The following DPF3 variants were observed in gnomAD, a reference collection of about 807,000 sequenced individuals.
DPF3 encodes the protein zinc finger protein DPF3.
DPF3 carries 18 observed loss-of-function variants against 56.8 expected under a neutral mutation model. That is an observed-to-expected ratio of 0.32 (90% CI 0.22 to 0.47). The LOEUF is 0.47. Ranked by LOEUF, DPF3 falls within the 20% of genes least tolerant of loss-of-function variation. The pLI is 1.00. For synonymous variants in DPF3, 188 were observed against 180.2 expected, an observed-to-expected ratio of 1.04 and a Z score of -0.35; for missense variants, 403 against 488.8, an observed-to-expected ratio of 0.82 and a Z score of 1.65.
intron 6 of DPF3, among the ~76,000 whole-genome samples, chr14:72,696,529 A>G (rs1033755691): frequency 2.0e-5 from 3 of 152,230 alleles, no homozygotes; most frequent in African/African-American, 4.8e-5. Context: ...CCTTCAAAAC[A>G]TATTTGTTGA....
At chr14:72,775,253 T>C (rs1045586421) in intron 1 of DPF3, among the ~76,000 whole-genome samples, 1 of 151,754 alleles carries the variant, frequency 6.6e-6, no homozygotes, top group Non-Finnish European at 1.5e-5. Context: ...AAATGAAAAA[T>C]TGTATAGCAA....
intron 6 of DPF3, among the ~76,000 whole-genome samples, chr14:72,697,934 C>T (rs543477299): frequency 2.2e-4 from 33 of 152,348 alleles, no homozygotes; most frequent in African/African-American, 6.7e-4. Context: ...TCTGCCTCCA[C>T]ACAGCCCTTC....
intron 1 of DPF3, among the ~76,000 whole-genome samples, chr14:72,827,488 CTTTTTTTTTTTTTT>C (rs1182260007): frequency 3.8e-5 from 3 of 78,282 alleles, no homozygotes; most frequent in Admixed American, 3.3e-4. Flanking sequence ...TCCCTTTACT[CTTTTTTTTTTTTTT>C]TTTTTTTTTT....
intron 1 of DPF3, among the ~76,000 whole-genome samples, chr14:72,800,486 TTGGA>T (rs1319074221): frequency 2.5e-5 from 3 of 119,822 alleles, no homozygotes; most frequent in Non-Finnish European, 3.6e-5. Flanking sequence ...GCATGGATGC[TTGGA>T]TGGATGGATG....
chr14:72,843,074 A>G (rs990744499), intron 1 of DPF3, among the ~76,000 whole-genome samples: 6 of 152,168 alleles, frequency 3.9e-5, no homozygotes, highest in Admixed American at 2.6e-4. Context: ...AATCCAGCGG[A>G]CAAGGCTCTT....
At chr14:72,799,928 G>A (rs930618457) in intron 1 of DPF3, among the ~76,000 whole-genome samples, 2 of 152,180 alleles carry the variant, frequency 1.3e-5, no homozygotes, top group Admixed American at 6.5e-5. Context: ...GGACCTTGCT[G>A]AGCCCCTAGA....
chr14:72,705,795 T>C (rs2153574656), intron 6 of DPF3, among the ~76,000 whole-genome samples: 1 of 152,334 alleles, frequency 6.6e-6, no homozygotes, highest in Middle Eastern at 3.4e-3. Context: ...AGGCTCACAG[T>C]CCAGCCTGAG....
At chr14:72,663,094 G>A (rs894500960) in intron 8 of DPF3, among the ~76,000 whole-genome samples, 1 of 145,454 alleles carries the variant, frequency 6.9e-6, no homozygotes, top group African/African-American at 2.6e-5. Context: ...AGTTGCTACT[G>A]GGCCAGAGGC....
At chr14:72,792,942 AAC>A (rs1208049794) in intron 1 of DPF3, among the ~76,000 whole-genome samples, 2 of 152,092 alleles carry the variant, frequency 1.3e-5, no homozygotes, top group African/African-American at 4.8e-5. Flanking sequence ...AAAAAAAAAA[AAC>A]ACTGCTGAAA....
intron 1 of DPF3, among the ~76,000 whole-genome samples, chr14:72,890,501 G>GATAAAATAATAATAATAATA (rs1886707875): frequency 6.8e-6 from 1 of 146,492 alleles, no homozygotes; most frequent in Non-Finnish European, 1.5e-5. Context: ...AAAAAATAAT[G>GATAAAATAATAATAATAATA]ATAATAATAA....
rs1884221198 is a variant in DPF3, at chr14:72,618,448, A to AC, written c.*848_*849insG. On this transcript the variant is annotated 3_prime_UTR_variant, in exon 11 of 11. Coordinates refer to ENST00000556509, the MANE Select transcript of DPF3 (RefSeq NM_001280542.3). ...GGTCTCCAGAACCAGGTGGGCTGAG[A>AC]GGCAGAGGCTTGACCGTCTTCCTCT... 6.6e-6 allele frequency among the ~76,000 whole-genome samples: 1 copy of AC among 152,180 alleles called. No homozygotes were observed. Among genetic ancestry groups the AC allele is most frequent in the African/African-American group, 2.4e-5 (1 of 41,438 alleles).
intron 1 of DPF3, among the ~76,000 whole-genome samples, chr14:72,833,116 G>C (rs551999655): frequency 6.6e-6 from 1 of 152,350 alleles, no homozygotes; most frequent in Admixed American, 6.5e-5. Context: ...ACAGATGGAT[G>C]AAAGTAACTC....
chr14:72,724,137 A>G (rs1889294355), intron 4 of DPF3: 1 of 162,900 alleles, frequency 6.1e-6, no homozygotes, highest in Admixed American at 6.5e-5. Context: ...GCCATTCTGG[A>G]ACCCTGCCCT....
At chr14:72,834,014 T>G (rs1393111862) in intron 1 of DPF3, among the ~76,000 whole-genome samples, 1 of 151,734 alleles carries the variant, frequency 6.6e-6, no homozygotes, top group Non-Finnish European at 1.5e-5. Flanking sequence ...AAACTCCTTC[T>G]CTACTAAAAA....
At chr14:72,789,615 G>A (rs1355875382) in intron 1 of DPF3, among the ~76,000 whole-genome samples, 2 of 152,070 alleles carry the variant, frequency 1.3e-5, no homozygotes, top group African/African-American at 2.4e-5. Flanking sequence ...CTGCAGCCTC[G>A]ATCTTCAGAG....
chr14:72,775,676 C>G (rs1010917479), intron 1 of DPF3, among the ~76,000 whole-genome samples: 2 of 152,138 alleles, frequency 1.3e-5, no homozygotes, highest in Non-Finnish European at 2.9e-5. Flanking sequence ...TATTAAAGAT[C>G]GAAGCTGCAA....
At chr14:72,857,102 C>T (rs770217319) in intron 1 of DPF3, among the ~76,000 whole-genome samples, 4 of 152,340 alleles carry the variant, frequency 2.6e-5, no homozygotes, top group East Asian at 1.9e-4. Flanking sequence ...GAAGGCCAGA[C>T]GTCTTGCACC....
chr14:72,866,713 G>A (rs550686997), intron 1 of DPF3, among the ~76,000 whole-genome samples: 6 of 150,660 alleles, frequency 4.0e-5, no homozygotes, highest in African/African-American at 1.5e-4. Flanking sequence ...AAAATTAGCT[G>A]GGCATGGTGG....
At chr14:72,753,207 G>A in intron 3 of DPF3, 57 bp downstream of exon 3, 1 of 1,545,120 alleles carries the variant, frequency 6.5e-7, no homozygotes, top group African/African-American at 1.4e-5. Context: ...CCTGGGCCCA[G>A]CCCAGTCCTC....
Sources: gnomAD v4.1 joint callset for allele counts (sites outside exome capture counted in the v4.1 genomes callset) on GRCh38, gnomAD v4.1.1 for gene constraint, MANE v1.5 for transcripts, NCBI Gene and HGNC (gene_info 2026-07-23, HGNC 2026-07-21) for gene names.